USP6NL: variants seen among roughly 807,000 people sequenced by gnomAD.
USP6NL encodes USP6 N-terminal-like protein.
In USP6NL, 26 loss-of-function variants were observed where a neutral mutation model predicts 61.9. The ratio of observed to expected loss-of-function variants is 0.42; its 90% CI spans 0.31 to 0.58. USP6NL has a LOEUF of 0.58. USP6NL is among the 20% of genes least tolerant of loss of function. The pLI is 0.16. For synonymous variants in USP6NL, 432 were observed against 390.1 expected (o/e 1.11, Z -1.27); for missense variants, 1,114 against 1,034.3 (o/e 1.08, Z -1.06).
chr10:11,492,986 G>A, intron 8 of USP6NL, 133 bp downstream of exon 8: 1 of 662,892 alleles, frequency 1.5e-6, no homozygotes, highest in Non-Finnish European at 2.4e-6. Flanking sequence ...CAACATGGAC[G>A]CAAATGATCT....
rs911098775 is a variant in USP6NL, at chr10:11,587,442, G to T, written c.4+10189C>A. Among the ~76,000 whole-genome samples the T allele has an allele frequency of 1.5e-4, 19 of 129,524 alleles. No individual in the cohort carries two copies. Among genetic ancestry groups the T allele is most frequent in the African/African-American group, 3.5e-4 (14 of 39,876 alleles). 85.0% of individuals were successfully genotyped at this position (129,524 alleles called of 152,430 possible). The stretch of plus-strand genomic sequence containing the variant: ...TAAACTTTTAACAGTCATACTATAA[G>T]ATGATAAGTATCCTGACATTTCATA... On this transcript the variant is annotated intron_variant, in intron 2 of 14. Transcript: ENST00000609104. This position sits in a 1 kb window ranked among gnomAD's most constrained non-coding sequence, Gnocchi z 4.5.
chr10:11,603,777 A>ATAAAAGTGC (rs1838626946), intron 1 of USP6NL, among the ~76,000 whole-genome samples: 1 of 152,194 alleles, frequency 6.6e-6, no homozygotes, highest in Non-Finnish European at 1.5e-5. Context: ...CATATTCAGA[A>ATAAAAGTGC]TAAAAGTGCT....
At chr10:11,545,368 C>G (rs989487417) in intron 2 of USP6NL, among the ~76,000 whole-genome samples, 6 of 152,178 alleles carry the variant, frequency 3.9e-5, no homozygotes, top group Admixed American at 2.6e-4. Context: ...ATACTTCTCT[C>G]CTGTGGCCAA....
chr10:11,532,052 T>A lies in USP6NL; in HGVS notation c.5-4485A>T. 1.4e-6 allele frequency: 1 copy of A among 700,400 alleles called. No individual in the cohort carries two copies. 43.4% of individuals were successfully genotyped at this position (700,400 alleles called of 1,614,324 possible). On this transcript the variant is annotated intron_variant, in intron 2 of 14. Transcript: ENST00000609104. The surrounding 1 kb of genome is among the most constrained non-coding windows in gnomAD (Gnocchi z 4.1). ...ATTAGCACCAAACTGCAATGAAAAA[T>A]TCATACAAAGTTACTAAGGTTCATT... is the stretch of plus-strand genomic sequence containing the variant.
At chr10:11,607,688 G>A (rs934692791) in intron 1 of USP6NL, among the ~76,000 whole-genome samples, 7 of 151,884 alleles carry the variant, frequency 4.6e-5, no homozygotes, top group Non-Finnish European at 8.8e-5. Flanking sequence ...CCTGTCACAG[G>A]AAAAGGAAAA....
intron 2 of USP6NL, among the ~76,000 whole-genome samples, chr10:11,568,920 G>A (rs1326380786): frequency 6.6e-6 from 1 of 152,194 alleles, no homozygotes; most frequent in African/African-American, 2.4e-5. Context: ...GAGTTCATTT[G>A]CTGGTTTGTT....
In USP6NL at chr10:11,510,577, G is replaced by T. The variant is rs772169006; in HGVS notation, c.196-902C>A. 1.3e-5 allele frequency among the ~76,000 whole-genome samples: 2 copies of T among 152,148 alleles called. No individual in the cohort carries two copies. The highest frequency in any genetic ancestry group is 6.5e-5 in the Admixed American group (1 of 15,276). ...GGGGAAAGTGAGACGGAAAATGCTC[G>T]CTCTTCACTTGTTTGGTTTCCAGGA... On this transcript the variant is annotated intron_variant, in intron 5 of 14. Coordinates refer to ENST00000609104, the MANE Select transcript of USP6NL (RefSeq NM_014688.5). The surrounding 1 kb of genome is among the most constrained non-coding windows in gnomAD (Gnocchi z 4.8).
chr10:11,512,071 C>G (rs1398813619), intron 5 of USP6NL, among the ~76,000 whole-genome samples: 1 of 152,086 alleles, frequency 6.6e-6, no homozygotes, highest in Non-Finnish European at 1.5e-5. Flanking sequence ...TAACTGAAAA[C>G]ATATTCATAT....
chr10:11,521,110 G>A (rs994332360), intron 4 of USP6NL, among the ~76,000 whole-genome samples: 4 of 152,180 alleles, frequency 2.6e-5, no homozygotes, highest in East Asian at 1.9e-4. Flanking sequence ...GCTAGGTGGA[G>A]TATTTATGTT....
At chr10:11,483,219 T>C (rs976278354) in intron 13 of USP6NL, among the ~76,000 whole-genome samples, 7 of 151,988 alleles carry the variant, frequency 4.6e-5, no homozygotes, top group African/African-American at 7.3e-5. Context: ...AGCAGCAGAT[T>C]TGTCCACAGC....
chr10:11,465,703 A>T lies in USP6NL; in HGVS notation c.1079-1854T>A, dbSNP rs1832421991. Among the ~76,000 whole-genome samples, 1 of 152,130 alleles carries T rather than the reference A, an allele frequency of 6.6e-6. No homozygotes were observed. The highest frequency in any genetic ancestry group is 6.5e-5 in the Admixed American group (1 of 15,270). ...CTCAGTGCTGCCTGGAGGTGCCCAG[A>T]TTCTGAGTTCCATGTTTCAGTCTGC... On this transcript the variant is annotated intron_variant, in intron 14 of 14. Coordinates refer to ENST00000609104, the MANE Select transcript of USP6NL (RefSeq NM_014688.5). The surrounding 1 kb of genome is among the most constrained non-coding windows in gnomAD (Gnocchi z 4.5).
intron 2 of USP6NL, among the ~76,000 whole-genome samples, chr10:11,541,309 A>G (rs181620150): frequency 7.3e-6 from 1 of 137,800 alleles, no homozygotes; most frequent in East Asian, 2.1e-4. Flanking sequence ...AGATGAATTA[A>G]GTAGCAACTA....
chr10:11,555,533 G>A (rs1466789732), intron 2 of USP6NL, among the ~76,000 whole-genome samples: 1 of 148,296 alleles, frequency 6.7e-6, no homozygotes, highest in Non-Finnish European at 1.5e-5. Context: ...AAGAGCATAG[G>A]AGACATATGA....
chr10:11,525,365 C>T lies in USP6NL; in HGVS notation c.155+21G>A. On this transcript the variant is annotated intron_variant, in intron 4 of 14. Coordinates refer to ENST00000609104, the MANE Select transcript of USP6NL (RefSeq NM_014688.5). This position sits in a 1 kb window ranked among gnomAD's most constrained non-coding sequence, Gnocchi z 5.0. Reference sequence around the variant, plus strand: ...GAAACGTTATAATCTAAAAAGCAAGCTTTCAATCTATGTGACTTACTGTAA... The same window carrying T: ...GAAACGTTATAATCTAAAAAGCAAGTTTTCAATCTATGTGACTTACTGTAA... 6.4e-7 allele frequency: 1 copy of T among 1,571,890 alleles called. No individual in the cohort carries two copies. The highest frequency in any genetic ancestry group is 8.6e-7 in the Non-Finnish European group (1 of 1,163,348).
intron 2 of USP6NL, chr10:11,573,882 T>C: frequency 2.6e-6 from 1 of 381,390 alleles, no homozygotes; most frequent in Non-Finnish European, 4.6e-6. Flanking sequence ...CTTCTTGAAA[T>C]GATGGATTCA....
At chr10:11,527,007 T>G (rs1835448347) in intron 3 of USP6NL, among the ~76,000 whole-genome samples, 1 of 152,146 alleles carries the variant, frequency 6.6e-6, no homozygotes, top group Non-Finnish European at 1.5e-5. Flanking sequence ...ATTTATTGAG[T>G]GCCTAGTGTG....
intron 8 of USP6NL, 85 bp downstream of exon 8, chr10:11,493,034 C>A: frequency 2.6e-6 from 3 of 1,171,536 alleles, no homozygotes; most frequent in Non-Finnish European, 3.6e-6. Flanking sequence ...ATCGAAATTA[C>A]AGTCTATAAA....
chr10:11,560,862 C>T (rs1339016971), intron 2 of USP6NL, among the ~76,000 whole-genome samples: 4 of 151,616 alleles, frequency 2.6e-5, no homozygotes, highest in African/African-American at 9.7e-5. Context: ...TTGATGGTTG[C>T]TTCATTCCCA....
rs1833597453 is a variant in USP6NL, at chr10:11,489,024, TGC to T, written c.664+76_664+77del. 6.4e-7 allele frequency: 1 copy of T among 1,571,254 alleles called. No individual in the cohort carries two copies. Among genetic ancestry groups the T allele is most frequent in the African/African-American group, 1.4e-5 (1 of 74,024 alleles). Reference sequence around the variant, plus strand: ...CATTAAATTTGCTGTATGTAACTCTTGCAAGCATCTTTGGTTTTGTTTTAATC... The same window carrying T: ...CATTAAATTTGCTGTATGTAACTCTTAAGCATCTTTGGTTTTGTTTTAATC... On this transcript the variant is annotated intron_variant, in intron 10 of 14. Coordinates refer to ENST00000609104, the MANE Select transcript of USP6NL (RefSeq NM_014688.5). The surrounding 1 kb of genome is among the most constrained non-coding windows in gnomAD (Gnocchi z 5.7).
Sources: allele counts gnomAD v4.1 joint callset (sites outside exome capture counted in the v4.1 genomes callset), GRCh38; gene constraint gnomAD v4.1.1; non-coding constraint Gnocchi (gnomAD v3.1); transcripts MANE v1.5; gene names NCBI Gene and HGNC (gene_info 2026-07-23, HGNC 2026-07-21).